The following DCDC1 variants were observed in gnomAD, a reference collection of about 807,000 sequenced individuals.
The protein encoded by DCDC1 is doublecortin domain containing 1.
DCDC1 carries 200 observed loss-of-function variants against 178.3 expected under a neutral mutation model. The ratio of observed to expected loss-of-function variants is 1.12; its 90% CI spans 1.00 to 1.26. DCDC1 has a LOEUF of 1.26. Ranked by LOEUF, DCDC1 falls within the 50% of genes most tolerant of loss-of-function variation. The pLI, the probability that DCDC1 is intolerant of heterozygous loss-of-function variation, is 0.00. For missense variants in DCDC1, 1,983 were observed against 1,749.2 expected, an observed-to-expected ratio of 1.13 and a Z score of -2.38; for synonymous variants, 690 against 604.8, an observed-to-expected ratio of 1.14 and a Z score of -2.07.
chr11:31,006,552 A>G (rs1951856380), intron 20 of DCDC1, among the ~76,000 whole-genome samples: 1 of 152,346 alleles, frequency 6.6e-6, no homozygotes, highest in South Asian at 2.1e-4. Context: ...CTAGCAGTGT[A>G]TAACTGGAAA....
At chr11:30,954,295 G>T (rs536446755) in intron 20 of DCDC1, among the ~76,000 whole-genome samples, 2 of 152,130 alleles carry the variant, frequency 1.3e-5, no homozygotes, top group South Asian at 4.1e-4. Flanking sequence ...GATTACAGGT[G>T]TGAGCCACCA....
At chr11:31,049,982 G>C (rs1955133776) in intron 20 of DCDC1, among the ~76,000 whole-genome samples, 2 of 152,184 alleles carry the variant, frequency 1.3e-5, no homozygotes, top group Non-Finnish European at 2.9e-5. Flanking sequence ...GTAAAAATTT[G>C]AACAGGGCAA....
chr11:31,101,127 T>C (rs1958475560), intron 15 of DCDC1, among the ~76,000 whole-genome samples: 3 of 152,144 alleles, frequency 2.0e-5, no homozygotes, highest in African/African-American at 7.2e-5. Context: ...GTTGGGGCAA[T>C]GTGTCTCTTG....
chr11:30,996,224 A>G (rs1951261338), intron 20 of DCDC1, among the ~76,000 whole-genome samples: 1 of 152,252 alleles, frequency 6.6e-6, no homozygotes, highest in South Asian at 2.1e-4. Flanking sequence ...ATCACCACAC[A>G]TCTATTAGAA....
At chr11:31,044,135 C>T (rs1231702519) in intron 20 of DCDC1, among the ~76,000 whole-genome samples, 1 of 152,034 alleles carries the variant, frequency 6.6e-6, no homozygotes, top group Non-Finnish European at 1.5e-5. Flanking sequence ...CGTTTAAACA[C>T]AGCGAGTTTT....
rs942906039 is a variant in DCDC1 at position 31,164,566 on chromosome 11, G to T, written c.1222-26782C>A. 3.3e-5 allele frequency among the ~76,000 whole-genome samples: 5 copies of T among 151,462 alleles called. No individual in the cohort carries two copies. The South Asian group carries it at 1.0e-3, about 32-fold the overall frequency. On this transcript the variant is annotated intron_variant, in intron 9 of 38. Coordinates refer to ENST00000684477, the MANE Select transcript of DCDC1 (RefSeq NM_001387274.1). ...TTTTTTAACAAAATAAGTTTAAAAC[G>T]TAAAAAAAAATTAAAAATAGAAAAA...
intron 9 of DCDC1, among the ~76,000 whole-genome samples, chr11:31,173,396 AT>A (rs1027688884): frequency 2.0e-5 from 3 of 152,210 alleles, no homozygotes; most frequent in African/African-American, 4.8e-5. Context: ...ATGAAAGCAG[AT>A]TTTTTTTCTT....
At chr11:31,030,628 T>C (rs1050738034) in intron 20 of DCDC1, among the ~76,000 whole-genome samples, 1 of 152,106 alleles carries the variant, frequency 6.6e-6, no homozygotes, top group African/African-American at 2.4e-5. Flanking sequence ...ATAGAGTGCA[T>C]ATGTGCCGCC....
At position 31,137,708 on chromosome 11, in the gene DCDC1, T is replaced by C. The variant is rs1485021498; in HGVS notation, c.1298A>G (p.His433Arg). The change falls in exon 10 of 39, where the codon CAT becomes CGT. Residue 433 changes from histidine (H) to arginine (R), a missense_variant. By Grantham distance (29) the His-to-Arg change is conservative. Transcript: ENST00000684477. ...VILSMTAKEH[H>R]KEQEEVSRLI... Reference sequence around the variant, plus strand: ...TTTCCTTACTTCTTCCTGTTCCTTATGGTGTTCCTTTGCCGTCATTGAAAG... The same window carrying C: ...TTTCCTTACTTCTTCCTGTTCCTTACGGTGTTCCTTTGCCGTCATTGAAAG... 4.3e-6 allele frequency: 3 copies of C among 702,748 alleles called. No individual in the cohort carries two copies. Among genetic ancestry groups the C allele is most frequent in the Non-Finnish European group, 7.8e-6 (3 of 384,930 alleles). 43.5% of individuals were successfully genotyped at this position (702,748 alleles called of 1,614,324 possible).
At chr11:30,936,605 G>C (rs1378102752) in intron 21 of DCDC1, among the ~76,000 whole-genome samples, 1 of 152,158 alleles carries the variant, frequency 6.6e-6, no homozygotes, top group Non-Finnish European at 1.5e-5. Flanking sequence ...CTTAAGCACA[G>C]AAAGGGAGTG....
intron 17 of DCDC1, among the ~76,000 whole-genome samples, chr11:31,088,486 G>A (rs1591001398): frequency 6.6e-6 from 1 of 151,266 alleles, no homozygotes; most frequent in Admixed American, 6.6e-5. Context: ...TGATTGCTTT[G>A]GTGATTATAT....
chr11:31,146,171 C>T (rs886313786), intron 9 of DCDC1, among the ~76,000 whole-genome samples: 1 of 150,420 alleles, frequency 6.6e-6, no homozygotes, highest in Non-Finnish European at 1.5e-5. Context: ...CTCCCAGGTT[C>T]AAGGATTCTT....
intron 20 of DCDC1, among the ~76,000 whole-genome samples, chr11:31,019,675 T>G (rs977005671): frequency 2.0e-5 from 3 of 152,218 alleles, no homozygotes; most frequent in Non-Finnish European, 2.9e-5. Context: ...ATTTAAATTC[T>G]TCACTGTCTT....
At position 30,969,287 on chromosome 11, in the gene DCDC1, T is replaced by C. The variant is rs151013606; in HGVS notation, c.2592-16719A>G. Among the ~76,000 whole-genome samples, 300 of 152,282 alleles carry C rather than the reference T, an allele frequency of 2.0e-3. 1 individual carries two copies. Among genetic ancestry groups the C allele is most frequent in the African/African-American group, 6.7e-3 (280 of 41,558 alleles). The stretch of plus-strand genomic sequence containing the variant: ...CCCTAAACCTAATCATAAGTGTCCT[T>C]AGAAGAGAGAGGCAGAAGGAATTTT... On this transcript the variant is annotated intron_variant, in intron 20 of 38. Coordinates refer to ENST00000684477, the MANE Select transcript of DCDC1 (RefSeq NM_001387274.1).
intron 20 of DCDC1, among the ~76,000 whole-genome samples, chr11:31,057,442 TAAG>T (rs1297967708): frequency 6.6e-6 from 1 of 152,060 alleles, no homozygotes; most frequent in East Asian, 1.9e-4. Context: ...ATTTGGAAAT[TAAG>T]AAATATCCTA....
intron 20 of DCDC1, among the ~76,000 whole-genome samples, chr11:31,032,512 T>C (rs530247447): frequency 6.6e-6 from 1 of 151,798 alleles, no homozygotes; most frequent in South Asian, 2.1e-4. Flanking sequence ...CTCAGATACA[T>C]AATTGTATTA....
rs1423064989 is a variant in DCDC1, at chr11:30,888,145, AGAAAGAAAGAAAGAAAGG to A, written c.5082+4655_5082+4672del. Among the ~76,000 whole-genome samples, 1,427 of 143,336 alleles carry A rather than the reference AGAAAGAAAGAAAGAAAGG, an allele frequency of 1.0e-2. 37 individuals carry two copies. Among genetic ancestry groups the A allele is most frequent in the African/African-American group, 0.037 (1,365 of 37,076 alleles). 94.0% of individuals were successfully genotyped at this position (143,336 alleles called of 152,430 possible). ...AAGAAAGAAAGAAAGAAAGAAAGAAAGAAAGAAAGAAAGAAAGGGAAAGAAAGAAAGAGAAAGGAAGGA... is the reference window on the plus strand; with the variant it reads ...AAGAAAGAAAGAAAGAAAGAAAGAAAGAAAGAAAGAAAGAGAAAGGAAGGA... On this transcript the variant is annotated intron_variant, in intron 36 of 38. Transcript: ENST00000684477.
At chr11:31,216,455 T>C (rs1973573509) in intron 9 of DCDC1, among the ~76,000 whole-genome samples, 1 of 150,940 alleles carries the variant, frequency 6.6e-6, no homozygotes, top group Non-Finnish European at 1.5e-5. Flanking sequence ...TCAGCTGAAG[T>C]GGCAAACATT....
At chr11:31,204,375 C>T (rs538297407) in intron 9 of DCDC1, among the ~76,000 whole-genome samples, 2 of 151,528 alleles carry the variant, frequency 1.3e-5, no homozygotes, top group African/African-American at 2.4e-5. Context: ...GATATGCAAG[C>T]CCTTTGTATA....
Sources: allele counts gnomAD v4.1 joint callset (sites outside exome capture counted in the v4.1 genomes callset), GRCh38; gene constraint gnomAD v4.1.1; transcripts MANE v1.5; gene names NCBI Gene and HGNC (gene_info 2026-07-23, HGNC 2026-07-21).